The following TRPC5 variants were observed in gnomAD, a reference collection of about 807,000 sequenced individuals.
TRPC5 encodes the protein transient receptor potential cation channel subfamily C member 5.
TRPC5 carries 9 observed loss-of-function variants against 56.5 expected under a neutral mutation model. The ratio of observed to expected loss-of-function variants is 0.16; its 90% confidence interval spans 0.10 to 0.28. The LOEUF (loss-of-function observed/expected upper bound fraction) is 0.28. Ranked by LOEUF, TRPC5 falls within the 10% of genes least tolerant of loss-of-function variation. The pLI, the probability that TRPC5 is intolerant of heterozygous loss-of-function variation, is 1.00. For synonymous variants in TRPC5, 282 were observed against 278.5 expected (o/e 1.01, Z -0.13); for missense variants, 469 against 748.9 (o/e 0.63, Z 4.36).
At chrX:111,843,873 A>AGTGTGTGTGT (rs547330564) in intron 6 of TRPC5, among the ~76,000 whole-genome samples, 26 of 72,603 alleles carry the variant, frequency 3.6e-4, no homozygotes, top group Non-Finnish European at 4.7e-4. Flanking sequence ...CAGTGGGATG[A>AGTGTGTGTGT]GTGTGTGTGT....
At chrX:111,877,626 T>C (rs1446903600) in intron 3 of TRPC5, among the ~76,000 whole-genome samples, 3 of 111,042 alleles carry the variant, frequency 2.7e-5, no homozygotes, top group African/African-American at 9.8e-5. Flanking sequence ...ATAGAGATGA[T>C]GGGTAAAACC....
chrX:111,997,455 C>A (rs1167891844), intron 1 of TRPC5, among the ~76,000 whole-genome samples: 1 of 111,107 alleles, frequency 9.0e-6, no homozygotes, highest in Non-Finnish European at 1.9e-5. Flanking sequence ...GTGAATCTGA[C>A]AATTATATGT....
At chrX:111,999,255 C>T (rs781585169) in intron 1 of TRPC5, among the ~76,000 whole-genome samples, 1 of 111,607 alleles carries the variant, frequency 9.0e-6, no homozygotes, top group African/African-American at 3.3e-5. Flanking sequence ...CCAACCTCTC[C>T]ACACACCCTA....
At chrX:111,977,489 A>G (rs1927962954) in intron 1 of TRPC5, among the ~76,000 whole-genome samples, 1 of 112,203 alleles carries the variant, frequency 8.9e-6, no homozygotes, top group Admixed American at 9.5e-5. Flanking sequence ...AGATTTAAAC[A>G]TAAGACGTGA....
intron 7 of TRPC5, among the ~76,000 whole-genome samples, chrX:111,806,899 C>T (rs1921533038): frequency 9.0e-6 from 1 of 111,301 alleles, no homozygotes; most frequent in African/African-American, 3.3e-5. Context: ...GCTACTCTCT[C>T]CTGGCCTGTA....
chrX:111,893,095 T>G (rs1924883683), intron 3 of TRPC5, among the ~76,000 whole-genome samples: 1 of 108,103 alleles, frequency 9.3e-6, no homozygotes, highest in Non-Finnish European at 1.9e-5. Context: ...TTTTTTTTTT[T>G]CGGATACCAG....
intron 1 of TRPC5, among the ~76,000 whole-genome samples, chrX:111,954,788 G>T (rs1406926395): frequency 8.9e-6 from 1 of 111,775 alleles, no homozygotes; most frequent in Admixed American, 9.5e-5. Context: ...GTTGTGGGGG[G>T]AAGCAGAAGA....
chrX:111,996,243 C>G (rs1415086780), intron 1 of TRPC5, among the ~76,000 whole-genome samples: 6 of 111,691 alleles, frequency 5.4e-5, no homozygotes, highest in Non-Finnish European at 9.4e-5. Context: ...CCTTATTTAC[C>G]CAGTAGTCAT....
At position 111,977,405 on chromosome X, in the gene TRPC5, T is replaced by C. The variant is rs772422407; in HGVS notation, c.-21-24964A>G. ...GGATAGACTCTTCAACAAATGGTAT[T>C]GGGAAAACTGGATATCCAAATGCAA... On this transcript the variant is annotated intron_variant, in intron 1 of 10. Transcript: ENST00000262839. 4.6e-4 allele frequency among the ~76,000 whole-genome samples: 52 copies of C among 111,949 alleles called. 1 individual carries two copies. The highest frequency in any genetic ancestry group is 1.6e-3 in the African/African-American group (50 of 30,885).
chrX:111,904,440 A>C (rs774802579), intron 3 of TRPC5, among the ~76,000 whole-genome samples: 1 of 112,039 alleles, frequency 8.9e-6, no homozygotes, highest in South Asian at 3.8e-4. Context: ...ACACCATGGA[A>C]TACTATGCAG....
intron 7 of TRPC5, among the ~76,000 whole-genome samples, chrX:111,789,499 G>GCTGCTATAAAGACA (rs1319351194): frequency 1.8e-5 from 2 of 112,028 alleles, no homozygotes; most frequent in Admixed American, 9.5e-5. Flanking sequence ...CAGGACATAG[G>GCTGCTATAAAGACA]CATGGGCAAG....
At chrX:111,964,012 G>A (rs927753550) in intron 1 of TRPC5, among the ~76,000 whole-genome samples, 4 of 111,574 alleles carry the variant, frequency 3.6e-5, no homozygotes, top group African/African-American at 6.5e-5. Context: ...GGCTTCAGAC[G>A]ATCAAACTAC....
intron 3 of TRPC5, among the ~76,000 whole-genome samples, chrX:111,907,934 T>C (rs768440412): frequency 2.9e-4 from 32 of 111,669 alleles, no homozygotes; most frequent in Non-Finnish European, 5.1e-4. Flanking sequence ...CTTTTGAGAA[T>C]GAAGTTCTCA....
intron 3 of TRPC5, among the ~76,000 whole-genome samples, chrX:111,881,239 C>T (rs1209120629): frequency 9.2e-6 from 1 of 108,824 alleles, no homozygotes; most frequent in Non-Finnish European, 1.9e-5. Context: ...TGTAGTGGCA[C>T]AATCTCTGCT....
chrX:111,840,945 A>C (rs1291401851), intron 6 of TRPC5, among the ~76,000 whole-genome samples: 3 of 112,259 alleles, frequency 2.7e-5, no homozygotes, highest in Non-Finnish European at 5.6e-5. Context: ...GGAGTCTATA[A>C]AAGATGACAG....
intron 3 of TRPC5, among the ~76,000 whole-genome samples, chrX:111,856,464 A>G (rs1428425238): frequency 1.9e-5 from 2 of 107,659 alleles, no homozygotes; most frequent in Non-Finnish European, 3.8e-5. Context: ...GCTTGAACCC[A>G]GGAGGCAGAG....
At chrX:111,827,283 T>C (rs1220187080) in intron 7 of TRPC5, among the ~76,000 whole-genome samples, 3 of 111,034 alleles carry the variant, frequency 2.7e-5, no homozygotes, top group Non-Finnish European at 5.7e-5. Flanking sequence ...CCACACTCAC[T>C]CCTTAGTGAT....
chrX:111,976,208 A>G (rs1185088072), intron 1 of TRPC5, among the ~76,000 whole-genome samples: 3 of 111,412 alleles, frequency 2.7e-5, no homozygotes, highest in South Asian at 7.6e-4. Context: ...AGATTGCTTG[A>G]GCCCAGGAGT....
chrX:111,962,534 C>T (rs899386549), intron 1 of TRPC5, among the ~76,000 whole-genome samples: 3 of 112,195 alleles, frequency 2.7e-5, no homozygotes, highest in South Asian at 7.4e-4. Flanking sequence ...TCTCATAAAA[C>T]TTTAACGCAT....
Sources: gnomAD v4.1 joint callset for allele counts (sites outside exome capture counted in the v4.1 genomes callset) on GRCh38, gnomAD v4.1.1 for gene constraint, MANE v1.5 for transcripts, NCBI Gene and HGNC (gene_info 2026-07-23, HGNC 2026-07-21) for gene names.